Variants in CNKSR2 observed in about 807,000 individuals in gnomAD.
CNKSR2 encodes the protein CNK homolog protein 2.
In CNKSR2, 14 loss-of-function variants were observed where a neutral mutation model predicts 84.4. The ratio of observed to expected loss-of-function variants is 0.17; its 90% CI spans 0.11 to 0.26. CNKSR2 has a LOEUF of 0.26. Ranked by LOEUF, CNKSR2 falls within the 10% of genes least tolerant of loss-of-function variation. The pLI is 1.00. For synonymous variants in CNKSR2, 275 were observed against 277.9 expected (o/e 0.99, Z 0.10); for missense variants, 485 against 771.2 (o/e 0.63, Z 4.40).
intron 4 of CNKSR2, among the ~76,000 whole-genome samples, chrX:21,462,382 A>G (rs1233334216): frequency 8.9e-6 from 1 of 111,742 alleles, no homozygotes; most frequent in Non-Finnish European, 1.9e-5. Flanking sequence ...TGTTGATTTT[A>G]TATCCTGTAT....
intron 9 of CNKSR2, among the ~76,000 whole-genome samples, chrX:21,517,242 G>A (rs984507225): frequency 5.5e-5 from 6 of 109,808 alleles, no homozygotes; most frequent in African/African-American, 1.7e-4. Context: ...AAACTTAGCC[G>A]GGCATGGTGG....
chrX:21,447,237 A>G lies in CNKSR2; in HGVS notation c.519+6456A>G, dbSNP rs951402311. On this transcript the variant is annotated intron_variant, in intron 4 of 21. Transcript: ENST00000379510. ...ATTATGTGCATACCCCAATATGATT[A>G]TCCATTCTTCTTATCATGGACATTT... Among the ~76,000 whole-genome samples, 13 of 111,592 alleles carry G rather than the reference A, an allele frequency of 1.2e-4. 1 individual carries two copies. The highest frequency in any genetic ancestry group is 1.1e-3 in the Admixed American group (12 of 10,474).
chrX:21,654,280 A>AC lies in CNKSR2; in HGVS notation c.*1759_*1760insC, dbSNP rs1240580846. ...GTGGGATTTTGTATATGTAAAAAAA[A>AC]AAAAAAAAAAAAAACAAAAAACCTC... On this transcript the variant is annotated 3_prime_UTR_variant, in exon 22 of 22. Coordinates refer to ENST00000379510, the MANE Select transcript of CNKSR2 (RefSeq NM_014927.5). 1 of 106,478 alleles carries AC rather than the reference A, an allele frequency of 9.4e-6. No homozygotes were observed. The highest frequency in any genetic ancestry group is 1.9e-5 in the Non-Finnish European group (1 of 51,638). 8.8% of individuals were successfully genotyped at this position (106,478 alleles called of 1,213,427 possible). A position where few individuals can be genotyped will look rare whatever the true frequency, so the allele number is the denominator to read the frequency against.
intron 5 of CNKSR2, among the ~76,000 whole-genome samples, chrX:21,473,540 G>A (rs1030625610): frequency 2.8e-5 from 3 of 108,061 alleles, no homozygotes; most frequent in South Asian, 8.2e-4. Flanking sequence ...TTTCTATCTC[G>A]GTGAGCTGAA....
chrX:21,553,445 C>T (rs1270980739), intron 11 of CNKSR2, among the ~76,000 whole-genome samples: 1 of 108,308 alleles, frequency 9.2e-6, no homozygotes, highest in East Asian at 2.9e-4. Context: ...TGTACTTTTA[C>T]ACTCCATTGT....
chrX:21,549,435 A>G (rs1313717331), intron 11 of CNKSR2, among the ~76,000 whole-genome samples: 2 of 112,182 alleles, frequency 1.8e-5, no homozygotes, highest in Non-Finnish European at 3.8e-5. Context: ...AAATGGAAAG[A>G]CATTCCATGC....
At chrX:21,561,596 T>G (rs767812377) in intron 12 of CNKSR2, 36 bp downstream of exon 12, 2 of 1,005,999 alleles carry the variant, frequency 2.0e-6, no homozygotes, top group Non-Finnish European at 1.4e-6. Flanking sequence ...GGCTGGGTTG[T>G]TTGAACAATA....
chrX:21,607,620 A>G (rs1438378922), intron 19 of CNKSR2, among the ~76,000 whole-genome samples: 2 of 111,143 alleles, frequency 1.8e-5, no homozygotes, highest in African/African-American at 6.6e-5. Flanking sequence ...CCTGGCCAAC[A>G]TGGTGAAACC....
chrX:21,436,729 A>G (rs2090710643), intron 3 of CNKSR2, among the ~76,000 whole-genome samples: 2 of 110,841 alleles, frequency 1.8e-5, no homozygotes, highest in South Asian at 7.5e-4. Flanking sequence ...GTGTGTGTGT[A>G]TGTGCATGCA....
intron 11 of CNKSR2, among the ~76,000 whole-genome samples, chrX:21,534,757 C>T (rs752936211): frequency 1.8e-5 from 2 of 111,234 alleles, no homozygotes; most frequent in African/African-American, 6.5e-5. Context: ...CTATTCAGAT[C>T]ATTTGCCCAT....
At chrX:21,395,484 C>T (rs1415584516) in intron 1 of CNKSR2, among the ~76,000 whole-genome samples, 3 of 109,738 alleles carry the variant, frequency 2.7e-5, no homozygotes, top group African/African-American at 9.9e-5. Context: ...TTGGGATGAT[C>T]GGCTCTGAGC....
At chrX:21,456,726 T>C (rs781738146) in intron 4 of CNKSR2, among the ~76,000 whole-genome samples, 102 of 111,815 alleles carry the variant, frequency 9.1e-4, no homozygotes, top group Non-Finnish European at 1.2e-3. Context: ...CTTGGATATA[T>C]ACTCAGAAGT....
At chrX:21,546,465 A>C (rs1038886487) in intron 11 of CNKSR2, among the ~76,000 whole-genome samples, 1 of 110,845 alleles carries the variant, frequency 9.0e-6, no homozygotes, top group South Asian at 3.8e-4. Context: ...GGTGTACCTG[A>C]AAGTGACTGG....
chrX:21,651,794 C>T (rs1410816885), intron 21 of CNKSR2, among the ~76,000 whole-genome samples: 1 of 111,819 alleles, frequency 8.9e-6, no homozygotes, highest in African/African-American at 3.3e-5. Flanking sequence ...AGAAAGGGAG[C>T]CATAACATTC....
At chrX:21,456,361 T>A (rs112826216) in intron 4 of CNKSR2, among the ~76,000 whole-genome samples, 1 of 111,520 alleles carries the variant, frequency 9.0e-6, no homozygotes, top group African/African-American at 3.3e-5. Context: ...CCTTTGACCA[T>A]TATCTCCTCC....
At chrX:21,575,876 A>G (rs1256188890) in intron 13 of CNKSR2, among the ~76,000 whole-genome samples, 1 of 112,517 alleles carries the variant, frequency 8.9e-6, no homozygotes, top group Non-Finnish European at 1.9e-5. Flanking sequence ...AAGAGGTTCA[A>G]TTCACTAAGA....
intron 13 of CNKSR2, among the ~76,000 whole-genome samples, chrX:21,589,536 G>A (rs775810910): frequency 8.9e-6 from 1 of 112,132 alleles, no homozygotes; most frequent in South Asian, 3.7e-4. Context: ...CCTTTTAGCT[G>A]GCTGATCATG....
chrX:21,472,340 G>A (rs763846059), intron 5 of CNKSR2, among the ~76,000 whole-genome samples: 3 of 111,877 alleles, frequency 2.7e-5, no homozygotes, highest in African/African-American at 9.7e-5. Context: ...TTTACTTCAA[G>A]GCTGTTATTG....
chrX:21,419,028 A>G (rs2090459557), intron 1 of CNKSR2, among the ~76,000 whole-genome samples: 1 of 110,686 alleles, frequency 9.0e-6, no homozygotes, highest in Non-Finnish European at 1.9e-5. Flanking sequence ...ATTAAGGGCA[A>G]TAACTCTTAT....
Sources: allele counts gnomAD v4.1 joint callset (sites outside exome capture counted in the v4.1 genomes callset), GRCh38; gene constraint gnomAD v4.1.1; transcripts MANE v1.5; gene names NCBI Gene and HGNC (gene_info 2026-07-23, HGNC 2026-07-21).